Variants in PRR3 observed in about 807,000 individuals in gnomAD.
The protein encoded by PRR3 is proline rich 3.
PRR3 carries 16 observed loss-of-function variants against 22.4 expected under a neutral mutation model. That is an observed-to-expected ratio of 0.71 (90% CI 0.48 to 1.09). The LOEUF is 1.09. PRR3 is among the 50% of genes least tolerant of loss of function. The pLI is 0.00. For missense variants in PRR3, 224 were observed against 243.4 expected (o/e 0.92, Z 0.53); for synonymous variants, 87 against 88.6 (o/e 0.98, Z 0.10).
rs1429209983 is a variant in PRR3 at position 30,561,516 on chromosome 6, T to A, written c.170-318T>A. 1 of 581,696 alleles carries A rather than the reference T, an allele frequency of 1.7e-6. No homozygotes were observed. Among genetic ancestry groups the A allele is most frequent in the Admixed American group, 2.5e-5 (1 of 40,376 alleles). The allele number at this position is 581,696 out of a possible 1,614,324, so 36.0% of individuals were successfully genotyped here. On this transcript the variant is annotated intron_variant, in intron 2 of 3. Coordinates refer to ENST00000376560, the MANE Select transcript of PRR3 (RefSeq NM_025263.4). The surrounding 1 kb of genome is among the most constrained non-coding windows in gnomAD (Gnocchi z 4.0). ...CATAAAAGAATGCAGACTGTATGAT[T>A]CCATTTTTGTGAAGTTCAAAAACAG...
At chr6:30,560,871 T>C (rs1189736976) in intron 2 of PRR3, 4 of 158,616 alleles carry the variant, frequency 2.5e-5, no homozygotes, top group Non-Finnish European at 5.5e-5. Context: ...ATAGTTAAGA[T>C]GGTAATTTTT....
upstream of PRR3, chr6:30,556,773 G>A: frequency 2.3e-6 from 1 of 439,196 alleles, no homozygotes; most frequent in Non-Finnish European, 4.2e-6. This position sits in a 1 kb window ranked among gnomAD's most constrained non-coding sequence, Gnocchi z 5.7. Context: ...CTTTAGGGGA[G>A]GGCGGCGGTC....
At position 30,561,231 on chromosome 6, in the gene PRR3, G is replaced by A. The variant is rs1800607119; in HGVS notation, c.170-603G>A. 3 of 377,742 alleles carry A rather than the reference G, an allele frequency of 7.9e-6. No individual in the cohort carries two copies. Among genetic ancestry groups the A allele is most frequent in the South Asian group, 4.0e-5 (2 of 49,466 alleles). 23.4% of individuals were successfully genotyped at this position (377,742 alleles called of 1,614,324 possible). A position where few individuals can be genotyped will look rare whatever the true frequency, so the allele number is the denominator to read the frequency against. ...CTTGAGCATAACATATACTTTATAA[G>A]CCAGTAATACCTCTACTACGTATAT... On this transcript the variant is annotated intron_variant, in intron 2 of 3. Coordinates refer to ENST00000376560, the MANE Select transcript of PRR3 (RefSeq NM_025263.4). The surrounding 1 kb of genome is among the most constrained non-coding windows in gnomAD (Gnocchi z 4.0).
At position 30,563,298 on chromosome 6, in the gene PRR3, TC is replaced by T. The variant is rs1267882393; in HGVS notation, c.*804del. 1 of 152,670 alleles carries T rather than the reference TC, an allele frequency of 6.6e-6. No individual in the cohort carries two copies. Among genetic ancestry groups the T allele is most frequent in the Non-Finnish European group, 1.5e-5 (1 of 68,058 alleles). 9.5% of individuals were successfully genotyped at this position (152,670 alleles called of 1,614,324 possible). A position where few individuals can be genotyped will look rare whatever the true frequency, so the allele number is the denominator to read the frequency against. ...CTGCCTCCCTGGCCCTCCCCATTCT[TC>T]TCCTGTTGGTTATTCTGAGTCTGAC... On this transcript the variant is annotated 3_prime_UTR_variant, in exon 4 of 4. Transcript: ENST00000376560.
chr6:30,560,965 G>T (rs1241662784), intron 2 of PRR3: 1 of 174,990 alleles, frequency 5.7e-6, no homozygotes, highest in Non-Finnish European at 1.2e-5. Context: ...GGAGACCAAG[G>T]TGGGAGGATC....
rs1281248699 is a variant in PRR3 at position 30,557,296 on chromosome 6, C to G, written c.-49C>G. On this transcript the variant is annotated 5_prime_UTR_variant, in exon 1 of 4. Coordinates refer to ENST00000376560, the MANE Select transcript of PRR3 (RefSeq NM_025263.4). ...AGCGGAAACAGAATCCCCGCGTGCC[C>G]CTTCCTCACTACCCTCCAAATCCCG... The G allele has an allele frequency of 6.9e-7, 1 of 1,449,132 alleles. No individual in the cohort carries two copies. The highest frequency in any genetic ancestry group is 1.4e-5 in the African/African-American group (1 of 71,876). 89.8% of individuals were successfully genotyped at this position (1,449,132 alleles called of 1,614,324 possible). A position where few individuals can be genotyped will look rare whatever the true frequency, so the allele number is the denominator to read the frequency against.
Position 30,562,971 on chromosome 6 carries a change from G to A in PRR3, c.*476G>A, listed in dbSNP as rs2127393529. On this transcript the variant is annotated 3_prime_UTR_variant, in exon 4 of 4. Coordinates refer to ENST00000376560, the MANE Select transcript of PRR3 (RefSeq NM_025263.4). Reference sequence around the variant, plus strand: ...TCAGCTGCTTGTGAAACTCAGCCAGGTTGTCTAACCTGGGGTCAAGTTTGG... The same window carrying A: ...TCAGCTGCTTGTGAAACTCAGCCAGATTGTCTAACCTGGGGTCAAGTTTGG... The A allele has an allele frequency of 6.5e-6, 1 of 153,372 alleles. No homozygotes were observed. 9.5% of individuals were successfully genotyped at this position (153,372 alleles called of 1,614,324 possible).
rs1341021988 is a variant in PRR3, at chr6:30,563,593, T to G, written c.*1098T>G. On this transcript the variant is annotated 3_prime_UTR_variant, in exon 4 of 4. Transcript: ENST00000376560. ...TTTGAACTGGCCCTGAGGAAATGGG[T>G]CAGGAGTTGTATTGGCAAGAGGGAG... 6.6e-6 allele frequency: 1 copy of G among 152,088 alleles called. No homozygotes were observed. The highest frequency in any genetic ancestry group is 1.5e-5 in the Non-Finnish European group (1 of 67,966). 9.4% of individuals were successfully genotyped at this position (152,088 alleles called of 1,614,324 possible).
At chr6:30,558,969 T>C (rs1395948361) in intron 2 of PRR3, among the ~76,000 whole-genome samples, 1 of 152,244 alleles carries the variant, frequency 6.6e-6, no homozygotes, top group Non-Finnish European at 1.5e-5. Context: ...AGAATAATTA[T>C]TCTAGAAAGT....
chr6:30,557,564 G>C (rs1448087915), intron 1 of PRR3, 114 bp downstream of exon 1: 1 of 699,928 alleles, frequency 1.4e-6, no homozygotes, highest in East Asian at 2.7e-5. Context: ...GGGCGCACGC[G>C]CTGGGGAGGG....
chr6:30,556,718 A>G (rs1800236641), upstream of PRR3: 1 of 373,162 alleles, frequency 2.7e-6, no homozygotes, highest in South Asian at 2.5e-5. This position sits in a 1 kb window ranked among gnomAD's most constrained non-coding sequence, Gnocchi z 5.7. Context: ...GAAAGCCGAG[A>G]CTGCGTCCAG....
intron 3 of PRR3, 33 bp from the exon 4 acceptor site, chr6:30,562,356 A>T (rs201739474): frequency 1.3e-6 from 2 of 1,535,174 alleles, no homozygotes; most frequent in East Asian, 2.3e-5. Context: ...TGTTGCTCAA[A>T]TTTTTAACTG....
intron 2 of PRR3, among the ~76,000 whole-genome samples, chr6:30,559,854 T>G (rs1271510898): frequency 2.7e-5 from 4 of 150,722 alleles, no homozygotes; most frequent in Non-Finnish European, 4.4e-5. Context: ...ATTTGCAGAC[T>G]CATGTTCATA....
Position 30,561,355 on chromosome 6 carries a change from C to A in PRR3, c.170-479C>A, listed in dbSNP as rs767788454. On this transcript the variant is annotated intron_variant, in intron 2 of 3. Coordinates refer to ENST00000376560, the MANE Select transcript of PRR3 (RefSeq NM_025263.4). This position sits in a 1 kb window ranked among gnomAD's most constrained non-coding sequence, Gnocchi z 4.0. Reference sequence around the variant, plus strand: ...CCAAACTGGATACCACCCACATGTCCATCATCAGTAGAATGGATAAATAAA... The same window carrying A: ...CCAAACTGGATACCACCCACATGTCAATCATCAGTAGAATGGATAAATAAA... 8 of 460,542 alleles carry A rather than the reference C, an allele frequency of 1.7e-5. No homozygotes were observed. Among genetic ancestry groups the A allele is most frequent in the Non-Finnish European group, 3.5e-5 (8 of 230,020 alleles). The allele number at this position is 460,542 out of a possible 1,614,324, so 28.5% of individuals were successfully genotyped here. A position where few individuals can be genotyped will look rare whatever the true frequency, so the allele number is the denominator to read the frequency against.
intron 1 of PRR3, 24 bp from the exon 2 acceptor site, chr6:30,558,125 AC>A (rs757465526): frequency 6.3e-7 from 1 of 1,592,816 alleles, no homozygotes; most frequent in Non-Finnish European, 8.6e-7. Flanking sequence ...CATTCTGATG[AC>A]CATATTTTCA....
chr6:30,561,749 A>G lies in PRR3; in HGVS notation c.170-85A>G. ...GTCTTTATGTATGCTGTTCTTCAAT[A>G]AAAAAAATTTTTTTAATCACGGTTT... On this transcript the variant is annotated intron_variant, in intron 2 of 3. Coordinates refer to ENST00000376560, the MANE Select transcript of PRR3 (RefSeq NM_025263.4). This position sits in a 1 kb window ranked among gnomAD's most constrained non-coding sequence, Gnocchi z 4.0. 7.6e-7 allele frequency: 1 copy of G among 1,317,764 alleles called. No homozygotes were observed. The highest frequency in any genetic ancestry group is 2.5e-5 in the East Asian group (1 of 39,274). 81.6% of individuals were successfully genotyped at this position (1,317,764 alleles called of 1,614,324 possible).
intron 1 of PRR3, among the ~76,000 whole-genome samples, chr6:30,557,869 C>T (rs139135909): frequency 6.6e-6 from 1 of 152,292 alleles, no homozygotes; most frequent in African/African-American, 2.4e-5. Flanking sequence ...TCTGGAGACA[C>T]TTAGGTTGTT....
chr6:30,556,742 A>T (rs1172262941), upstream of PRR3: 3 of 397,968 alleles, frequency 7.5e-6, no homozygotes, highest in East Asian at 1.2e-4. This position sits in a 1 kb window ranked among gnomAD's most constrained non-coding sequence, Gnocchi z 5.7. Flanking sequence ...GCTGGACTAC[A>T]CCGGGGGCAC....
chr6:30,562,317 T>A, intron 3 of PRR3, 72 bp from the exon 4 acceptor site: 4 of 1,256,910 alleles, frequency 3.2e-6, no homozygotes, highest in Non-Finnish European at 4.6e-6. Context: ...TCTCCTTCTG[T>A]CTCTGCGTTT....
Sources: gnomAD v4.1 joint callset for allele counts (sites outside exome capture counted in the v4.1 genomes callset) on GRCh38, gnomAD v4.1.1 for gene constraint, Gnocchi (gnomAD v3.1) non-coding constraint, MANE v1.5 for transcripts, NCBI Gene and HGNC (gene_info 2026-07-23, HGNC 2026-07-21) for gene names.